SDC2: variants seen among roughly 807,000 people sequenced by gnomAD.
SDC2 encodes the protein syndecan-2.
Under a neutral mutation model 22.2 loss-of-function variants are expected in SDC2, and 13 were observed. The observed-to-expected ratio is 0.59, with a 90% confidence interval of 0.38 to 0.93. The LOEUF is 0.93. SDC2 is among the 40% of genes least tolerant of loss of function. SDC2 has a pLI of 0.00. For missense variants in SDC2, 235 were observed against 246.8 expected (o/e 0.95, Z 0.32); for synonymous variants, 94 against 92.8 (o/e 1.01, Z -0.07).
At chr8:96,534,554 C>T (rs1368343263) in intron 1 of SDC2, among the ~76,000 whole-genome samples, 3 of 152,136 alleles carry the variant, frequency 2.0e-5, no homozygotes, top group Non-Finnish European at 2.9e-5. Flanking sequence ...CCCACCTCAG[C>T]CTCCTGAGTA....
chr8:96,572,303 GA>G (rs532817777), intron 1 of SDC2, among the ~76,000 whole-genome samples: 104 of 152,288 alleles, frequency 6.8e-4, no homozygotes, highest in Non-Finnish European at 1.3e-3. Context: ...TCATCTTATG[GA>G]AAGTTTTTTT....
Position 96,593,512 on chromosome 8 carries a change from C to A in SDC2, c.93C>A (p.Tyr31Ter). 6.2e-7 allele frequency: 1 copy of A among 1,613,796 alleles called. No individual in the cohort carries two copies. The highest frequency in any genetic ancestry group is 8.5e-7 in the Non-Finnish European group (1 of 1,179,686). The change falls in exon 2 of 5, where the codon TAC (tyrosine) becomes TAA (stop). Residue 31 changes from tyrosine to a stop codon, truncating the protein, a stop_gained. Coordinates refer to ENST00000302190, the MANE Select transcript of SDC2 (RefSeq NM_002998.4). LOFTEE classifies it high-confidence loss of function. ...AGCTGACATCTGATAAAGACATGTA[C>A]CTTGACAACAGCTCCATTGAAGAAG... ...RAELTSDKDM[Y>*]LDNSSIEEAS...
At chr8:96,494,948 A>G (rs1813046184) in intron 1 of SDC2, among the ~76,000 whole-genome samples, 1 of 152,142 alleles carries the variant, frequency 6.6e-6, no homozygotes, top group Non-Finnish European at 1.5e-5. Flanking sequence ...GCAGTAGGCG[A>G]TCCCTCAAGG....
At chr8:96,567,326 A>C (rs1254607273) in intron 1 of SDC2, among the ~76,000 whole-genome samples, 1 of 152,346 alleles carries the variant, frequency 6.6e-6, no homozygotes, top group East Asian at 1.9e-4. Context: ...ATCTTATAGA[A>C]GTCTTAATTT....
chr8:96,577,224 C>T (rs980855698), intron 1 of SDC2, among the ~76,000 whole-genome samples: 1 of 152,146 alleles, frequency 6.6e-6, no homozygotes, highest in African/African-American at 2.4e-5. Context: ...CGTTTATTTG[C>T]TGAAGCTAAT....
intron 1 of SDC2, among the ~76,000 whole-genome samples, chr8:96,505,176 T>C (rs977010809): frequency 1.3e-5 from 2 of 152,230 alleles, no homozygotes; most frequent in Admixed American, 1.3e-4. Flanking sequence ...CCATATTTCC[T>C]GAATAATACT....
At chr8:96,512,219 G>A (rs1020956099) in intron 1 of SDC2, among the ~76,000 whole-genome samples, 5 of 152,176 alleles carry the variant, frequency 3.3e-5, no homozygotes, top group African/African-American at 9.7e-5. Flanking sequence ...TACATGGGTG[G>A]CCACGTGCCC....
intron 1 of SDC2, among the ~76,000 whole-genome samples, chr8:96,507,597 A>T (rs1366475121): frequency 1.3e-5 from 2 of 152,180 alleles, no homozygotes; most frequent in Non-Finnish European, 2.9e-5. Flanking sequence ...GATTGTGGAG[A>T]TTTATAGATA....
At chr8:96,522,875 G>A (rs543881868) in intron 1 of SDC2, among the ~76,000 whole-genome samples, 1 of 152,266 alleles carries the variant, frequency 6.6e-6, no homozygotes, top group East Asian at 1.9e-4. Context: ...CTCAGGTTGT[G>A]GCTTTATCTA....
At position 96,494,038 on chromosome 8, in the gene SDC2, C is replaced by G; in HGVS notation, c.-234C>G. On this transcript the variant is annotated 5_prime_UTR_variant, in exon 1 of 5. Coordinates refer to ENST00000302190, the MANE Select transcript of SDC2 (RefSeq NM_002998.4). ...AACTCCGTGTCGGGAGTGCAGAAAC[C>G]AACAAGTGAGAGGGCGCCGCGTTCC... is the stretch of plus-strand genomic sequence containing the variant. 1 of 553,230 alleles carries G rather than the reference C, an allele frequency of 1.8e-6. No homozygotes were observed. The highest frequency in any genetic ancestry group is 3.2e-6 in the Non-Finnish European group (1 of 317,236). The allele number at this position is 553,230 out of a possible 1,614,324, so 34.3% of individuals were successfully genotyped here.
At chr8:96,511,562 G>A (rs563571733) in intron 1 of SDC2, among the ~76,000 whole-genome samples, 1 of 152,334 alleles carries the variant, frequency 6.6e-6, no homozygotes, top group South Asian at 2.1e-4. Flanking sequence ...TAGAACAGCT[G>A]TTTTGGCTTC....
At chr8:96,494,673 A>AG (rs1184080497) in intron 1 of SDC2, among the ~76,000 whole-genome samples, 1 of 151,856 alleles carries the variant, frequency 6.6e-6, no homozygotes, top group Non-Finnish European at 1.5e-5. Context: ...GGGTGGCAGG[A>AG]GGGGGGAGCC....
chr8:96,499,415 G>C (rs1813125855), intron 1 of SDC2, among the ~76,000 whole-genome samples: 1 of 152,218 alleles, frequency 6.6e-6, no homozygotes, highest in Non-Finnish European at 1.5e-5. Context: ...TAATGAATCA[G>C]ACTAATTTGG....
intron 1 of SDC2, among the ~76,000 whole-genome samples, chr8:96,499,699 A>G (rs1391078421): frequency 6.6e-6 from 1 of 151,958 alleles, no homozygotes; most frequent in Non-Finnish European, 1.5e-5. Context: ...TGAAGGGAGC[A>G]TATGAATGGT....
At chr8:96,552,638 T>G (rs1814045680) in intron 1 of SDC2, among the ~76,000 whole-genome samples, 1 of 152,198 alleles carries the variant, frequency 6.6e-6, no homozygotes, top group Non-Finnish European at 1.5e-5. Flanking sequence ...CCTCTAAATT[T>G]AGGATGGAAG....
intron 3 of SDC2, among the ~76,000 whole-genome samples, chr8:96,606,908 C>A (rs1815089876): frequency 6.6e-6 from 1 of 152,210 alleles, no homozygotes; most frequent in Non-Finnish European, 1.5e-5. Flanking sequence ...TCCCCACCCG[C>A]TTCTGGGGCC....
intron 1 of SDC2, among the ~76,000 whole-genome samples, chr8:96,576,964 T>C (rs1814515664): frequency 6.6e-6 from 1 of 152,226 alleles, no homozygotes; most frequent in African/African-American, 2.4e-5. Context: ...AGTTTATTAA[T>C]ACATCAGAGA....
At chr8:96,512,186 T>G (rs1813338799) in intron 1 of SDC2, among the ~76,000 whole-genome samples, 1 of 152,352 alleles carries the variant, frequency 6.6e-6, no homozygotes, top group Non-Finnish European at 1.5e-5. Flanking sequence ...CAAGGTACTA[T>G]GCGGGCTGGG....
At chr8:96,584,836 A>G (rs1003285647) in intron 1 of SDC2, 1 of 152,184 alleles carries the variant, frequency 6.6e-6, no homozygotes, top group African/African-American at 2.4e-5. Context: ...AGTCATGAAC[A>G]TTTTCCTTTT....
Sources: gnomAD v4.1 joint callset for allele counts (sites outside exome capture counted in the v4.1 genomes callset) on GRCh38, gnomAD v4.1.1 for gene constraint, MANE v1.5 for transcripts, NCBI Gene and HGNC (gene_info 2026-07-23, HGNC 2026-07-21) for gene names.